SLC6A3: variants seen among roughly 807,000 people sequenced by gnomAD.
SLC6A3 encodes the protein solute carrier family 6 member 3.
In SLC6A3, 19 loss-of-function variants were observed where a neutral mutation model predicts 70.4. The ratio of observed to expected loss-of-function variants is 0.27; its 90% CI spans 0.19 to 0.40. SLC6A3 has a LOEUF of 0.40. SLC6A3 is among the 10% of genes least tolerant of loss of function. The probability of loss-of-function intolerance (pLI) is 1.00; values close to 1 mark genes in which losing one functional copy is unlikely to be tolerated. For synonymous variants in SLC6A3, 368 were observed against 356.6 expected (o/e 1.03, Z -0.36); for missense variants, 613 against 838.5 (o/e 0.73, Z 3.32).
chr5:1,403,195 G>T, intron 12 of SLC6A3, 106 bp from the exon 13 acceptor site: 1 of 1,336,574 alleles, frequency 7.5e-7, no homozygotes, highest in Non-Finnish European at 1.0e-6. Flanking sequence ...AGCCCCCACA[G>T]CTGTGCAGGT....
chr5:1,425,646 A>G (rs1372573260), intron 4 of SLC6A3, among the ~76,000 whole-genome samples: 1 of 152,258 alleles, frequency 6.6e-6, no homozygotes, highest in Non-Finnish European at 1.5e-5. Context: ...TAGATATGAC[A>G]CAAAAGATGA....
intron 11 of SLC6A3, among the ~76,000 whole-genome samples, chr5:1,407,565 G>T (rs1272609689): frequency 6.6e-6 from 1 of 152,208 alleles, no homozygotes; most frequent in Non-Finnish European, 1.5e-5. Context: ...AGATGAGAGG[G>T]GCGTGGATTT....
chr5:1,400,004 G>A (rs575438434), intron 14 of SLC6A3, among the ~76,000 whole-genome samples: 8 of 152,202 alleles, frequency 5.3e-5, no homozygotes, highest in Non-Finnish European at 4.4e-5. Flanking sequence ...GACTGTTTAC[G>A]AGAACCAGCC....
chr5:1,443,363 G>C, intron 1 of SLC6A3, 121 bp from the exon 2 acceptor site: 1 of 797,094 alleles, frequency 1.3e-6, no homozygotes, highest in South Asian at 1.5e-5. Context: ...CCTCTGGGAA[G>C]GGATGGGTGC....
chr5:1,423,330 C>A (rs1351780047), intron 4 of SLC6A3, among the ~76,000 whole-genome samples: 2 of 150,920 alleles, frequency 1.3e-5, no homozygotes, highest in Non-Finnish European at 3.0e-5. Context: ...TGCTGGGTAC[C>A]CACCGCTGCC....
In SLC6A3 at chr5:1,397,072, C is replaced by T. The variant is rs2111330336; in HGVS notation, c.1840-2314G>A. Among the ~76,000 whole-genome samples, 1 of 152,242 alleles carries T rather than the reference C, an allele frequency of 6.6e-6. No homozygotes were observed. The highest frequency in any genetic ancestry group is 2.4e-5 in the African/African-American group (1 of 41,520). ...TGATAAGATGCGTTACTCAACTGTG[C>T]ACCTAAGATTCAAATGAAAACAAAA... On this transcript the variant is annotated intron_variant, in intron 14 of 14. Coordinates refer to ENST00000270349, the MANE Select transcript of SLC6A3 (RefSeq NM_001044.5). This position sits in a 1 kb window ranked among gnomAD's most constrained non-coding sequence, Gnocchi z 4.7.
rs1384028090 is a variant in SLC6A3, at chr5:1,421,675, G to A, written c.792+201C>T. On this transcript the variant is annotated intron_variant, in intron 5 of 14. Coordinates refer to ENST00000270349, the MANE Select transcript of SLC6A3 (RefSeq NM_001044.5). This position sits in a 1 kb window ranked among gnomAD's most constrained non-coding sequence, Gnocchi z 7.2. ...CAGGTGTACCCTCAATCATGGCCACGTGTACACTCCCAACCTGATTATGGC... is the reference window on the plus strand; with the variant it reads ...CAGGTGTACCCTCAATCATGGCCACATGTACACTCCCAACCTGATTATGGC... 1.3e-5 allele frequency among the ~76,000 whole-genome samples: 2 copies of A among 151,704 alleles called. No individual in the cohort carries two copies. Among genetic ancestry groups the A allele is most frequent in the Non-Finnish European group, 2.9e-5 (2 of 67,950 alleles).
chr5:1,414,859 A>G (rs745811082), intron 7 of SLC6A3, 44 bp from the exon 8 acceptor site: 3 of 1,611,494 alleles, frequency 1.9e-6, no homozygotes, highest in Admixed American at 1.7e-5. Context: ...GCTGAGCTGC[A>G]GCAGCTGCAA....
chr5:1,419,075 G>A (rs1317514661), intron 6 of SLC6A3, among the ~76,000 whole-genome samples: 1 of 137,690 alleles, frequency 7.3e-6, no homozygotes, highest in African/African-American at 2.9e-5. Flanking sequence ...TTATCCATCT[G>A]TCCATCCTAT....
intron 3 of SLC6A3, among the ~76,000 whole-genome samples, chr5:1,435,410 A>T (rs941571439): frequency 2.0e-5 from 3 of 152,236 alleles, no homozygotes; most frequent in African/African-American, 7.2e-5. Flanking sequence ...TTGATCAAAC[A>T]ACACCAGAGT....
rs117699463 is a variant in SLC6A3 at position 1,440,284 on chromosome 5, A to G, written c.418+1075T>C. Among the ~76,000 whole-genome samples the G allele has an allele frequency of 8.9e-4, 135 of 152,112 alleles. 3 individuals carry two copies. The East Asian group carries it at 0.025, about 28-fold the overall frequency. Reference sequence around the variant, plus strand: ...AGATCCATAGATAGATGAATGGATGAATGAATGGATGGATGGATAGATAGA... The same window carrying G: ...AGATCCATAGATAGATGAATGGATGGATGAATGGATGGATGGATAGATAGA... On this transcript the variant is annotated intron_variant, in intron 3 of 14. Transcript: ENST00000270349.
chr5:1,432,344 AAC>A, intron 4 of SLC6A3, 118 bp downstream of exon 4: 4 of 749,730 alleles, frequency 5.3e-6, no homozygotes, highest in Non-Finnish European at 9.4e-6. Context: ...GGAGTGCAGG[AAC>A]AGATTCCCCC....
intron 4 of SLC6A3, among the ~76,000 whole-genome samples, chr5:1,428,943 C>T (rs146448787): frequency 7.2e-5 from 11 of 152,336 alleles, no homozygotes; most frequent in Admixed American, 1.3e-4. Context: ...CGTCATGTTT[C>T]GTACATTGTG....
intron 4 of SLC6A3, among the ~76,000 whole-genome samples, chr5:1,422,219 C>G (rs1439270944): frequency 6.6e-6 from 1 of 152,238 alleles, no homozygotes; most frequent in East Asian, 1.9e-4. Context: ...CCGTGGAGCA[C>G]GTGGGAGGCC....
chr5:1,416,376 C>T, intron 6 of SLC6A3, 175 bp from the exon 7 acceptor site: 1 of 659,032 alleles, frequency 1.5e-6, no homozygotes, highest in East Asian at 2.7e-5. Flanking sequence ...GAAGTGAACC[C>T]TCCCGGGCCA....
At chr5:1,444,661 C>CGCGTTGGGAGAGG (rs1733755626) in intron 1 of SLC6A3, among the ~76,000 whole-genome samples, 1 of 152,224 alleles carries the variant, frequency 6.6e-6, no homozygotes, top group Non-Finnish European at 1.5e-5. Flanking sequence ...AGCAGGAGGC[C>CGCGTTGGGAGAGG]GCGTTGGGAG....
At chr5:1,414,637 A>G (rs1404981976) in intron 8 of SLC6A3, 54 bp downstream of exon 8, 7 of 1,601,400 alleles carry the variant, frequency 4.4e-6, no homozygotes, top group African/African-American at 2.7e-5. Context: ...CTTTGCTGAG[A>G]GCTCGGCGCT....
intron 6 of SLC6A3, among the ~76,000 whole-genome samples, chr5:1,417,792 G>A (rs1336455382): frequency 6.6e-6 from 1 of 152,186 alleles, no homozygotes; most frequent in Non-Finnish European, 1.5e-5. Context: ...GGAGCCCATG[G>A]TACAGGCCTG....
chr5:1,406,380 C>A lies in SLC6A3; in HGVS notation c.1499-92G>T. The A allele has an allele frequency of 9.2e-7, 1 of 1,092,076 alleles. No individual in the cohort carries two copies. The highest frequency in any genetic ancestry group is 1.4e-6 in the Non-Finnish European group (1 of 707,834). The allele number at this position is 1,092,076 out of a possible 1,614,324, so 67.6% of individuals were successfully genotyped here. A position where few individuals can be genotyped will look rare whatever the true frequency, so the allele number is the denominator to read the frequency against. ...GGGGGTCCTCGCTGACTCCCAAGGG[C>A]CCCACCTACCGGCCCCAGGCTTCGG... is the stretch of plus-strand genomic sequence containing the variant. On this transcript the variant is annotated intron_variant, in intron 11 of 14. Coordinates refer to ENST00000270349, the MANE Select transcript of SLC6A3 (RefSeq NM_001044.5). This position sits in a 1 kb window ranked among gnomAD's most constrained non-coding sequence, Gnocchi z 8.8.
Sources: allele counts gnomAD v4.1 joint callset (sites outside exome capture counted in the v4.1 genomes callset), GRCh38; gene constraint gnomAD v4.1.1; non-coding constraint Gnocchi (gnomAD v3.1); transcripts MANE v1.5; gene names NCBI Gene and HGNC (gene_info 2026-07-23, HGNC 2026-07-21).